Variants in TAOK1 observed in about 807,000 individuals in gnomAD.
The protein encoded by TAOK1 is serine/threonine-protein kinase TAO1.
Under a neutral mutation model 138.3 loss-of-function variants are expected in TAOK1, and 21 were observed. That is an observed-to-expected ratio of 0.15 (90% CI 0.11 to 0.22). TAOK1 has a LOEUF of 0.22. TAOK1 is among the 10% of genes least tolerant of loss of function. TAOK1 has a pLI of 1.00. For synonymous variants in TAOK1, 361 were observed against 398.4 expected, an observed-to-expected ratio of 0.91 and a Z score of 1.12; for missense variants, 651 against 1,227.7, an observed-to-expected ratio of 0.53 and a Z score of 7.02.
intron 2 of TAOK1, among the ~76,000 whole-genome samples, chr17:29,458,373 A>C (rs979322998): frequency 2.0e-5 from 3 of 152,260 alleles, no homozygotes; most frequent in Non-Finnish European, 4.4e-5. Context: ...GAAATTTTAC[A>C]GTCCCATCAG....
At chr17:29,435,993 G>C (rs1035704011) in intron 1 of TAOK1, among the ~76,000 whole-genome samples, 31 of 152,278 alleles carry the variant, frequency 2.0e-4, no homozygotes, top group African/African-American at 7.2e-4. Context: ...AGCTGGGCGT[G>C]GTGGCTGGTG....
chr17:29,515,204 C>T (rs1338871313), intron 15 of TAOK1, among the ~76,000 whole-genome samples: 4 of 152,038 alleles, frequency 2.6e-5, no homozygotes, highest in African/African-American at 9.7e-5. Flanking sequence ...TCTCTATTCT[C>T]CCATGGTTTT....
intron 1 of TAOK1, among the ~76,000 whole-genome samples, chr17:29,426,935 G>C (rs1231936024): frequency 1.3e-5 from 2 of 152,218 alleles, no homozygotes; most frequent in Admixed American, 1.3e-4. Flanking sequence ...GTCCAATATG[G>C]TGACCCCTAG....
intron 1 of TAOK1, among the ~76,000 whole-genome samples, chr17:29,438,280 T>C (rs748065607): frequency 1.3e-5 from 2 of 152,230 alleles, no homozygotes; most frequent in Non-Finnish European, 2.9e-5. Flanking sequence ...CAGAGTAAAA[T>C]TAGTTTGTGG....
At chr17:29,445,703 TA>T (rs1233687212) in intron 1 of TAOK1, among the ~76,000 whole-genome samples, 1 of 152,184 alleles carries the variant, frequency 6.6e-6, no homozygotes, top group Non-Finnish European at 1.5e-5. Context: ...TTGCTGAATT[TA>T]ATTTGCTAAT....
At chr17:29,537,752 A>G (rs190467924) in intron 19 of TAOK1, among the ~76,000 whole-genome samples, 286 of 151,542 alleles carry the variant, frequency 1.9e-3, no homozygotes, top group Non-Finnish European at 3.2e-3. Flanking sequence ...AAATTACAGG[A>G]AAAAAAAACT....
intron 2 of TAOK1, among the ~76,000 whole-genome samples, chr17:29,453,005 C>G (rs1383293891): frequency 6.6e-6 from 1 of 152,094 alleles, no homozygotes; most frequent in Non-Finnish European, 1.5e-5. Context: ...AGTGGATTTG[C>G]AGGTTCCTAT....
chr17:29,515,036 C>A (rs1311642761), intron 15 of TAOK1: 1 of 149,720 alleles, frequency 6.7e-6, no homozygotes, highest in Non-Finnish European at 1.5e-5. Flanking sequence ...TAGTTTGCTC[C>A]ATTGAGTATA....
At chr17:29,493,861 A>T (rs1351102390) in intron 10 of TAOK1, among the ~76,000 whole-genome samples, 1 of 152,172 alleles carries the variant, frequency 6.6e-6, no homozygotes, top group African/African-American at 2.4e-5. Context: ...TTGGGCACAA[A>T]CATTTGATGA....
At position 29,495,736 on chromosome 17, in the gene TAOK1, T is replaced by G. The variant is rs1567734819; in HGVS notation, c.999+9T>G. ...CACAGGAAGAAGAAGAGGTAAGAGATAAAAAAATGACTCCAATATTGAATT... is the reference window on the plus strand; with the variant it reads ...CACAGGAAGAAGAAGAGGTAAGAGAGAAAAAAATGACTCCAATATTGAATT... On this transcript the variant is annotated intron_variant, in intron 11 of 19. Coordinates refer to ENST00000261716, the MANE Select transcript of TAOK1 (RefSeq NM_020791.4). 4 of 1,576,796 alleles carry G rather than the reference T, an allele frequency of 2.5e-6. No homozygotes were observed. Among genetic ancestry groups the G allele is most frequent in the Admixed American group, 3.7e-5 (2 of 53,698 alleles).
chr17:29,510,198 A>G (rs992934336), intron 14 of TAOK1, among the ~76,000 whole-genome samples: 22 of 151,906 alleles, frequency 1.4e-4, no homozygotes, highest in Admixed American at 6.6e-5. Flanking sequence ...CCAACATGGC[A>G]AAACCCCATC....
At chr17:29,419,384 C>T (rs1041332186) in intron 1 of TAOK1, among the ~76,000 whole-genome samples, 29 of 151,868 alleles carry the variant, frequency 1.9e-4, no homozygotes, top group African/African-American at 6.5e-4. Context: ...TTAATAGAGA[C>T]GGGGTTTCTC....
chr17:29,489,010 T>C (rs2031239399), intron 8 of TAOK1, among the ~76,000 whole-genome samples: 1 of 152,222 alleles, frequency 6.6e-6, no homozygotes, highest in African/African-American at 2.4e-5. Flanking sequence ...GGGATATTAT[T>C]GGGACATCTG....
At position 29,414,241 on chromosome 17, in the gene TAOK1, T is replaced by C. The variant is rs78531211; in HGVS notation, c.-95+23217T>C. 1.6e-3 allele frequency among the ~76,000 whole-genome samples: 244 copies of C among 151,760 alleles called. 7 individuals are homozygous for C. The East Asian group carries it at 0.044, about 27-fold the overall frequency. On this transcript the variant is annotated intron_variant, in intron 1 of 19. Transcript: ENST00000261716. ...TTGGAGCTTCATCCATGGTGGAGCATGTATCAGTACTTCACATTATTATTT... is the reference window on the plus strand; with the variant it reads ...TTGGAGCTTCATCCATGGTGGAGCACGTATCAGTACTTCACATTATTATTT...
chr17:29,540,651 A>G (rs1334317881), intron 19 of TAOK1, among the ~76,000 whole-genome samples: 2 of 150,832 alleles, frequency 1.3e-5, no homozygotes, highest in South Asian at 2.1e-4. Flanking sequence ...TCTCACCGCA[A>G]CCTCCGCCTC....
At chr17:29,463,060 CTTT>C (rs958615381) in intron 2 of TAOK1, among the ~76,000 whole-genome samples, 11 of 151,984 alleles carry the variant, frequency 7.2e-5, no homozygotes, top group Non-Finnish European at 1.5e-5. Context: ...AACATTCCAT[CTTT>C]TTTTCAAGTT....
chr17:29,525,639 C>T (rs2031996754), intron 17 of TAOK1, among the ~76,000 whole-genome samples: 1 of 152,274 alleles, frequency 6.6e-6, no homozygotes, highest in Non-Finnish European at 1.5e-5. Context: ...AGGTGATCCA[C>T]CCACCTCAGC....
At chr17:29,458,291 G>A (rs775245660) in intron 2 of TAOK1, among the ~76,000 whole-genome samples, 1 of 152,160 alleles carries the variant, frequency 6.6e-6, no homozygotes, top group Non-Finnish European at 1.5e-5. Flanking sequence ...TATCAAGGAT[G>A]GGGTTATTGA....
chr17:29,537,758 A>G (rs1483499854), intron 19 of TAOK1, among the ~76,000 whole-genome samples: 1 of 152,184 alleles, frequency 6.6e-6, no homozygotes, highest in African/African-American at 2.4e-5. Flanking sequence ...CAGGAAAAAA[A>G]AACTGCATAA....
Sources: allele counts gnomAD v4.1 joint callset (sites outside exome capture counted in the v4.1 genomes callset), GRCh38; gene constraint gnomAD v4.1.1; transcripts MANE v1.5; gene names NCBI Gene and HGNC (gene_info 2026-07-23, HGNC 2026-07-21).